FBN2: variants seen among roughly 807,000 people sequenced by gnomAD.
FBN2 encodes fibrillin 2.
In FBN2, 105 loss-of-function variants were observed where a neutral mutation model predicts 355.6. That is an observed-to-expected ratio of 0.30 (90% CI 0.25 to 0.35). FBN2 has a LOEUF of 0.35. FBN2 is among the 10% of genes least tolerant of loss of function. The pLI is 1.00. For synonymous variants in FBN2, 1,350 were observed against 1,301.2 expected, an observed-to-expected ratio of 1.04 and a Z score of -0.81; for missense variants, 3,280 against 3,758.7, an observed-to-expected ratio of 0.87 and a Z score of 3.33.
chr5:128,424,211 T>C (rs546797357), intron 7 of FBN2, among the ~76,000 whole-genome samples: 1 of 152,212 alleles, frequency 6.6e-6, no homozygotes, highest in African/African-American at 2.4e-5. Flanking sequence ...AGCCAACTGC[T>C]TATAGATGAT....
chr5:128,367,281 C>G (rs1044924660), intron 16 of FBN2, among the ~76,000 whole-genome samples: 2 of 152,128 alleles, frequency 1.3e-5, no homozygotes, highest in South Asian at 4.2e-4. Flanking sequence ...TTTTAATACC[C>G]TCATTATCAC....
chr5:128,516,356 C>G (rs115195037), intron 5 of FBN2, among the ~76,000 whole-genome samples: 2,124 of 151,256 alleles, frequency 0.014, 52 homozygotes, highest in African/African-American at 0.048. Flanking sequence ...TTACAATTAG[C>G]CTGTAACCAC....
intron 42 of FBN2, among the ~76,000 whole-genome samples, chr5:128,306,688 A>C (rs1749893154): frequency 6.6e-6 from 1 of 152,222 alleles, no homozygotes; most frequent in Non-Finnish European, 1.5e-5. Context: ...AACACAATGT[A>C]CATTTAGAAG....
intron 4 of FBN2, 141 bp from the exon 5 acceptor site, chr5:128,519,509 A>C (rs1443426461): frequency 1.4e-6 from 1 of 712,888 alleles, no homozygotes. Flanking sequence ...TATAAATTAC[A>C]CAGGTTAAAG....
In FBN2 at chr5:128,277,944, C is replaced by G; in HGVS notation, c.7407G>C (p.Met2469Ile). ...CCTTGCAGAAGCATCGGAATGAGCC[C>G]ATGGTATTGATGCACTGACCATTGG... is the stretch of plus-strand genomic sequence containing the variant. The part of the protein sequence containing the change: ...LCTNGQCINT[M>I]GSFRCFCKVG... The change falls in exon 58 of 65, where the codon ATG (methionine) becomes ATC (isoleucine). Residue 2469 changes from methionine to isoleucine, a missense_variant. Transcript: ENST00000262464. 1 of 1,613,942 alleles carries G rather than the reference C, an allele frequency of 6.2e-7. No homozygotes were observed. The highest frequency in any genetic ancestry group is 8.5e-7 in the Non-Finnish European group (1 of 1,179,882).
intron 5 of FBN2, among the ~76,000 whole-genome samples, chr5:128,496,683 C>T (rs1294535224): frequency 6.6e-6 from 1 of 151,992 alleles, no homozygotes; most frequent in Non-Finnish European, 1.5e-5. Flanking sequence ...AAAGAAAAAG[C>T]ATCCATGTTG....
intron 7 of FBN2, among the ~76,000 whole-genome samples, chr5:128,423,596 ACAAAGCAAGAGAGAG>A (rs1363905112): frequency 6.6e-6 from 1 of 152,224 alleles, no homozygotes; most frequent in African/African-American, 2.4e-5. Context: ...AAACCATATC[ACAAAGCAAGAGAGAG>A]CATAATTTAT....
intron 62 of FBN2, among the ~76,000 whole-genome samples, chr5:128,269,274 A>ATAATAGTAG (rs1186126782): frequency 2.8e-5 from 4 of 141,896 alleles, no homozygotes; most frequent in African/African-American, 1.1e-4. Context: ...AATAATAATA[A>ATAATAGTAG]TAATAATAGT....
At chr5:128,479,962 CTCTCTCTCTCTCTCTATATATATATATA>C (rs1360233355) in intron 5 of FBN2, among the ~76,000 whole-genome samples, 127 of 37,506 alleles carry the variant, frequency 3.4e-3, no homozygotes, top group East Asian at 0.013. Flanking sequence ...CTCTCTCTCT[CTCTCTCTCTCTCTCTATATATATATATA>C]TATATATATA....
At chr5:128,354,213 A>G (rs1751442796) in intron 20 of FBN2, among the ~76,000 whole-genome samples, 1 of 152,230 alleles carries the variant, frequency 6.6e-6, no homozygotes, top group African/African-American at 2.4e-5. Context: ...GAATACAGAC[A>G]TAAAGAGAAC....
At chr5:128,381,368 C>G (rs976906930) in intron 11 of FBN2, among the ~76,000 whole-genome samples, 1 of 152,054 alleles carries the variant, frequency 6.6e-6, no homozygotes, top group African/African-American at 2.4e-5. Flanking sequence ...TATTGCCTTT[C>G]AAGTTATACT....
intron 8 of FBN2, among the ~76,000 whole-genome samples, chr5:128,406,966 C>T (rs1397300787): frequency 6.6e-6 from 1 of 152,132 alleles, no homozygotes; most frequent in Middle Eastern, 3.2e-3. Context: ...AAATGATTTA[C>T]CTAATGCAAG....
At chr5:128,269,773 G>A (rs913740100) in intron 62 of FBN2, among the ~76,000 whole-genome samples, 13 of 152,300 alleles carry the variant, frequency 8.5e-5, no homozygotes, top group Admixed American at 2.6e-4. Context: ...TGGATAGAAA[G>A]AATCAACATT....
intron 5 of FBN2, among the ~76,000 whole-genome samples, chr5:128,508,362 CTTCT>C (rs1756019533): frequency 6.6e-6 from 1 of 151,760 alleles, no homozygotes; most frequent in South Asian, 2.1e-4. Context: ...TTGTTGCTTT[CTTCT>C]TTATTATTCC....
At chr5:128,389,483 A>T (rs907413704) in intron 11 of FBN2, among the ~76,000 whole-genome samples, 1 of 152,252 alleles carries the variant, frequency 6.6e-6, no homozygotes, top group African/African-American at 2.4e-5. Context: ...AGGCCGGCAG[A>T]TGGGGGACAC....
At chr5:128,396,261 C>T (rs1046546794) in intron 8 of FBN2, among the ~76,000 whole-genome samples, 2 of 152,156 alleles carry the variant, frequency 1.3e-5, no homozygotes, top group Admixed American at 6.5e-5. Context: ...CAAGACAAGG[C>T]TCCTCTTTAA....
In FBN2 at chr5:128,290,728, T is replaced by C; in HGVS notation, c.6445+4A>G. 6.2e-7 allele frequency: 1 copy of C among 1,614,038 alleles called. No homozygotes were observed. Among genetic ancestry groups the C allele is most frequent in the Non-Finnish European group, 8.5e-7 (1 of 1,179,858 alleles). On this transcript the variant is annotated splice_donor_region_variant and intron_variant, in intron 50 of 64. Transcript: ENST00000262464. ...GTGCTGTCTGATGATGTCATTGCTC[T>C]TACCTTCATCGTCTTTGGGGCACAG...
At chr5:128,487,987 T>C (rs1755384008) in intron 5 of FBN2, among the ~76,000 whole-genome samples, 1 of 152,176 alleles carries the variant, frequency 6.6e-6, no homozygotes, top group African/African-American at 2.4e-5. Flanking sequence ...GACTTAAATT[T>C]AGCCAACACA....
At chr5:128,341,481 G>A (rs904429776) in intron 25 of FBN2, among the ~76,000 whole-genome samples, 3 of 152,116 alleles carry the variant, frequency 2.0e-5, no homozygotes, top group Non-Finnish European at 2.9e-5. Context: ...CCCCCTCCCC[G>A]TCAGCTATTG....
Sources: gnomAD v4.1 joint callset for allele counts (sites outside exome capture counted in the v4.1 genomes callset) on GRCh38, gnomAD v4.1.1 for gene constraint, MANE v1.5 for transcripts, NCBI Gene and HGNC (gene_info 2026-07-23, HGNC 2026-07-21) for gene names.